PIP5K1B: variants seen among roughly 807,000 people sequenced by gnomAD.
PIP5K1B encodes phosphatidylinositol-4-phosphate 5-kinase type 1 beta.
A neutral mutation model predicts 67.0 loss-of-function variants in PIP5K1B; 42 were observed. The ratio of observed to expected loss-of-function variants is 0.63; its 90% confidence interval spans 0.49 to 0.81. PIP5K1B has a LOEUF of 0.81. Among genes scored for constraint, PIP5K1B ranks in the 30% least tolerant of loss-of-function variants. PIP5K1B has a pLI of 0.00. For synonymous variants in PIP5K1B, 214 were observed against 231.4 expected (o/e 0.92, Z 0.68); for missense variants, 459 against 646.3 (o/e 0.71, Z 3.14).
intron 14 of PIP5K1B, among the ~76,000 whole-genome samples, chr9:68,967,284 T>C (rs1205664507): frequency 1.3e-5 from 2 of 152,208 alleles, no homozygotes; most frequent in Non-Finnish European, 2.9e-5. Context: ...TGTAGTTCCT[T>C]GATGCTCCAA....
chr9:68,720,173 C>T (rs1456253681), intron 1 of PIP5K1B, among the ~76,000 whole-genome samples: 2 of 152,166 alleles, frequency 1.3e-5, no homozygotes, highest in Admixed American at 6.5e-5. Flanking sequence ...AAGCTGTAAC[C>T]GTTTTTCCCT....
intron 6 of PIP5K1B, among the ~76,000 whole-genome samples, chr9:68,881,883 A>T (rs1824215306): frequency 6.6e-6 from 1 of 152,136 alleles, no homozygotes; most frequent in African/African-American, 2.4e-5. Flanking sequence ...ATCCAGTAGA[A>T]CTTATATGAG....
At chr9:68,706,532 A>G (rs1390747313) in intron 1 of PIP5K1B, among the ~76,000 whole-genome samples, 1 of 152,180 alleles carries the variant, frequency 6.6e-6, no homozygotes, top group East Asian at 1.9e-4. Context: ...CGGAGAAGTT[A>G]TTTGGGTAGA....
intron 2 of PIP5K1B, among the ~76,000 whole-genome samples, chr9:68,774,379 G>C (rs903558771): frequency 1.3e-5 from 2 of 152,128 alleles, no homozygotes; most frequent in African/African-American, 4.8e-5. Context: ...GTGTGTCAGA[G>C]AGATTTGGAA....
At chr9:68,818,879 A>C (rs148555925) in intron 3 of PIP5K1B, among the ~76,000 whole-genome samples, 1 of 152,346 alleles carries the variant, frequency 6.6e-6, no homozygotes, top group East Asian at 1.9e-4. Flanking sequence ...TATAAAAATG[A>C]AAACCTAAAG....
chr9:69,004,284 C>T (rs1830958854), intron 15 of PIP5K1B, among the ~76,000 whole-genome samples: 1 of 151,986 alleles, frequency 6.6e-6, no homozygotes, highest in South Asian at 2.1e-4. Context: ...CTCAGAGTAT[C>T]TCAGTGCATA....
chr9:68,837,841 T>G (rs750991110), intron 4 of PIP5K1B, among the ~76,000 whole-genome samples: 20 of 152,066 alleles, frequency 1.3e-4, no homozygotes, highest in Non-Finnish European at 2.5e-4. Context: ...GGTCACTATC[T>G]CTAAAAAAAT....
chr9:68,958,175 G>A (rs528206930), intron 14 of PIP5K1B, among the ~76,000 whole-genome samples: 1 of 152,040 alleles, frequency 6.6e-6, no homozygotes, highest in African/African-American at 2.4e-5. Context: ...AACTGGCCAA[G>A]GAGCTGTTTT....
intron 8 of PIP5K1B, among the ~76,000 whole-genome samples, chr9:68,897,765 C>T (rs1396049670): frequency 6.6e-6 from 1 of 152,136 alleles, no homozygotes; most frequent in Non-Finnish European, 1.5e-5. Flanking sequence ...ATTTGTTAAG[C>T]CTCTTAACCT....
chr9:68,894,052 C>T (rs180970360), intron 7 of PIP5K1B, among the ~76,000 whole-genome samples: 3 of 152,336 alleles, frequency 2.0e-5, no homozygotes, highest in African/African-American at 2.4e-5. Context: ...AGAATAGTCA[C>T]TCATGGCACC....
chr9:68,915,039 C>T (rs558484361), intron 8 of PIP5K1B, among the ~76,000 whole-genome samples: 1 of 152,326 alleles, frequency 6.6e-6, no homozygotes, highest in African/African-American at 2.4e-5. Context: ...TAATTAAGCA[C>T]TTTATGCTAG....
chr9:68,851,830 C>A (rs1218162641), intron 4 of PIP5K1B, among the ~76,000 whole-genome samples: 1 of 152,222 alleles, frequency 6.6e-6, no homozygotes, highest in African/African-American at 2.4e-5. Context: ...CCCCCTCTTC[C>A]AAAGCACAGC....
chr9:68,748,061 C>A (rs988822319), intron 2 of PIP5K1B, among the ~76,000 whole-genome samples: 4 of 152,176 alleles, frequency 2.6e-5, no homozygotes, highest in Admixed American at 2.6e-4. Context: ...CTCCCTGTAG[C>A]CCGAGGTAAC....
chr9:68,728,923 G>A (rs973491222), intron 1 of PIP5K1B: 4 of 152,178 alleles, frequency 2.6e-5, no homozygotes, highest in African/African-American at 7.2e-5. Context: ...TGCTGGGGAA[G>A]TCAAGCCTTC....
chr9:68,714,698 T>A (rs1304242711), intron 1 of PIP5K1B, among the ~76,000 whole-genome samples: 1 of 152,170 alleles, frequency 6.6e-6, no homozygotes, highest in African/African-American at 2.4e-5. Flanking sequence ...GACTTGTTTT[T>A]CCAAGTAGCT....
rs551648549 is a variant in PIP5K1B at position 68,962,500 on chromosome 9, C to T, written c.1502+21710C>T. Reference sequence around the variant, plus strand: ...TAAAGTCCTCAAATTCTGACTGCCTCATAAAGAACAGATAGATTTTATTGT... The same window carrying T: ...TAAAGTCCTCAAATTCTGACTGCCTTATAAAGAACAGATAGATTTTATTGT... On this transcript the variant is annotated intron_variant, in intron 14 of 15. Coordinates refer to ENST00000265382, the MANE Select transcript of PIP5K1B (RefSeq NM_003558.4). Among the ~76,000 whole-genome samples the T allele has an allele frequency of 4.6e-5, 7 of 152,310 alleles. No individual in the cohort carries two copies. The South Asian group carries it at 1.2e-3, about 27-fold the overall frequency.
intron 1 of PIP5K1B, among the ~76,000 whole-genome samples, chr9:68,740,726 A>G (rs1828964149): frequency 1.3e-5 from 2 of 152,258 alleles, no homozygotes; most frequent in Non-Finnish European, 1.5e-5. Context: ...ATAGGTGTGC[A>G]CAGTAAGGCT....
chr9:68,765,076 G>T (rs1489937895), intron 2 of PIP5K1B, among the ~76,000 whole-genome samples: 3 of 151,986 alleles, frequency 2.0e-5, no homozygotes, highest in East Asian at 1.9e-4. Context: ...GAATTCACTT[G>T]CAGGTCATTT....
intron 2 of PIP5K1B, among the ~76,000 whole-genome samples, chr9:68,797,209 G>T (rs1587466455): frequency 6.6e-6 from 1 of 152,266 alleles, no homozygotes; most frequent in Non-Finnish European, 1.5e-5. Context: ...ACGATGCTTT[G>T]TTGTTATTTG....
Sources: gnomAD v4.1 joint callset for allele counts (sites outside exome capture counted in the v4.1 genomes callset) on GRCh38, gnomAD v4.1.1 for gene constraint, MANE v1.5 for transcripts, NCBI Gene and HGNC (gene_info 2026-07-23, HGNC 2026-07-21) for gene names.